Variants in DPP6 observed in about 807,000 individuals in gnomAD.
DPP6 encodes A-type potassium channel modulatory protein DPP6.
In DPP6, 69 loss-of-function variants were observed where a neutral mutation model predicts 122.6. The ratio of observed to expected loss-of-function variants is 0.56; its 90% CI spans 0.46 to 0.69. The LOEUF is 0.69. Ranked by LOEUF, DPP6 falls within the 30% of genes least tolerant of loss-of-function variation. The pLI, the probability that DPP6 is intolerant of heterozygous loss-of-function variation, is 0.00. For missense variants in DPP6, 928 were observed against 1,116.9 expected (o/e 0.83, Z 2.41); for synonymous variants, 418 against 433.1 (o/e 0.97, Z 0.43).
chr7:153,906,529 C>T (rs1053167485), intron 1 of DPP6, among the ~76,000 whole-genome samples: 2 of 152,214 alleles, frequency 1.3e-5, no homozygotes, highest in African/African-American at 4.8e-5. Context: ...TGGCTCGCTG[C>T]AGCCTCGGCC....
At chr7:154,168,592 T>G (rs892519321) in intron 1 of DPP6, among the ~76,000 whole-genome samples, 1 of 152,088 alleles carries the variant, frequency 6.6e-6, no homozygotes, top group African/African-American at 2.4e-5. Context: ...GGGCTGAGAG[T>G]GAGGCATGAA....
At chr7:154,073,496 A>G (rs1402602887) in intron 1 of DPP6, among the ~76,000 whole-genome samples, 4 of 152,246 alleles carry the variant, frequency 2.6e-5, no homozygotes, top group African/African-American at 9.6e-5. Flanking sequence ...TCAGTTATTC[A>G]CTTAAGTGTC....
At chr7:153,771,936 G>C in the DPP6 span, among the ~76,000 whole-genome samples, 1 of 152,080 alleles carries the variant, frequency 6.6e-6, no homozygotes, top group Non-Finnish European at 1.5e-5. Context: ...ATACCTAATT[G>C]CTCCAAAAGA....
At chr7:154,704,124 G>A (rs1840691189) in intron 7 of DPP6, among the ~76,000 whole-genome samples, 1 of 152,160 alleles carries the variant, frequency 6.6e-6, no homozygotes, top group Non-Finnish European at 1.5e-5. Context: ...TTTAAATGAA[G>A]TTGATTCTAA....
intron 2 of DPP6, among the ~76,000 whole-genome samples, chr7:154,452,221 A>G (rs1820444282): frequency 6.6e-6 from 1 of 152,262 alleles, no homozygotes. Context: ...CCACGTAAAG[A>G]CAATGCATGT....
chr7:154,446,346 G>A lies in DPP6; in HGVS notation c.358+18G>A. ...GACACCAGGTACTGTATTCATTCTT[G>A]GAAAAGCAAGTCGCTGTCAGAGAGA... On this transcript the variant is annotated intron_variant, in intron 2 of 25. Transcript: ENST00000377770. 2 of 1,578,220 alleles carry A rather than the reference G, an allele frequency of 1.3e-6. No individual in the cohort carries two copies. Among genetic ancestry groups the A allele is most frequent in the South Asian group, 2.4e-5 (2 of 84,904 alleles).
chr7:154,199,984 G>A (rs1163570080), intron 1 of DPP6, among the ~76,000 whole-genome samples: 1 of 152,144 alleles, frequency 6.6e-6, no homozygotes, highest in Non-Finnish European at 1.5e-5. Context: ...GTAATGCCTG[G>A]ACTCACAGGC....
chr7:154,889,598 CG>C, intron 25 of DPP6, 68 bp downstream of exon 25: 2 of 1,553,956 alleles, frequency 1.3e-6, no homozygotes, highest in Non-Finnish European at 1.7e-6. Context: ...AAAGACCTGA[CG>C]GGTGTTCAGG....
chr7:154,087,918 C>T (rs963915049), intron 1 of DPP6, among the ~76,000 whole-genome samples: 4 of 152,206 alleles, frequency 2.6e-5, no homozygotes, highest in African/African-American at 4.8e-5. Context: ...GCCAAAAATG[C>T]ACTTCGCACA....
intron 6 of DPP6, among the ~76,000 whole-genome samples, chr7:154,665,179 G>T (rs1367627397): frequency 6.6e-6 from 1 of 152,112 alleles, no homozygotes; most frequent in Non-Finnish European, 1.5e-5. Flanking sequence ...TTGGAGTAAG[G>T]TTCTGCATTT....
intron 7 of DPP6, among the ~76,000 whole-genome samples, chr7:154,672,702 G>A (rs76396233): frequency 0.016 from 2,499 of 152,278 alleles, 84 homozygotes; most frequent in African/African-American, 0.057. Flanking sequence ...CTTTAAGAGC[G>A]TTATGATACA....
intron 17 of DPP6, among the ~76,000 whole-genome samples, chr7:154,855,093 C>T (rs1291481737): frequency 1.3e-5 from 2 of 151,964 alleles, no homozygotes; most frequent in East Asian, 1.9e-4. Context: ...GAACTGGAGG[C>T]GGCGGCGGTG....
intron 1 of DPP6, among the ~76,000 whole-genome samples, chr7:154,296,499 C>T (rs1467222585): frequency 6.6e-6 from 1 of 152,210 alleles, no homozygotes; most frequent in Non-Finnish European, 1.5e-5. Context: ...ATTGGCTTCC[C>T]AGGCAGCTGG....
At chr7:154,484,654 A>G (rs1452280269) in intron 3 of DPP6, among the ~76,000 whole-genome samples, 2 of 151,858 alleles carry the variant, frequency 1.3e-5, no homozygotes, top group Non-Finnish European at 3.0e-5. Context: ...TAGTCTGAAT[A>G]TGGTGATAGA....
intron 1 of DPP6, among the ~76,000 whole-genome samples, chr7:154,000,492 A>T (rs1797640578): frequency 6.6e-6 from 1 of 152,142 alleles, no homozygotes; most frequent in Non-Finnish European, 1.5e-5. Context: ...ATGCTTATGG[A>T]GGGCCCAAGT....
intron 16 of DPP6, among the ~76,000 whole-genome samples, chr7:154,850,414 G>C (rs144376851): frequency 6.6e-6 from 1 of 152,188 alleles, no homozygotes; most frequent in East Asian, 1.9e-4. Flanking sequence ...TGGCGGGGGT[G>C]GGGGAGTTTG....
At chr7:154,553,476 C>T (rs756923131) in intron 4 of DPP6, among the ~76,000 whole-genome samples, 1 of 152,146 alleles carries the variant, frequency 6.6e-6, no homozygotes, top group Admixed American at 6.6e-5. Context: ...TGAGTGCTTA[C>T]GGTGTGACTA....
intron 1 of DPP6, among the ~76,000 whole-genome samples, chr7:154,239,177 C>T (rs1213847911): frequency 6.6e-6 from 1 of 152,236 alleles, no homozygotes; most frequent in Non-Finnish European, 1.5e-5. Flanking sequence ...CAGACACTTT[C>T]TGTCCACCAT....
intron 1 of DPP6, among the ~76,000 whole-genome samples, chr7:154,187,893 A>G (rs1320637528): frequency 6.6e-6 from 1 of 152,236 alleles, no homozygotes. Flanking sequence ...AGTCAGAGAC[A>G]CAATGGATGA....
Sources: allele counts gnomAD v4.1 joint callset (sites outside exome capture counted in the v4.1 genomes callset), GRCh38; gene constraint gnomAD v4.1.1; transcripts MANE v1.5; gene names NCBI Gene and HGNC (gene_info 2026-07-23, HGNC 2026-07-21).